The following CCDC85A variants were observed in gnomAD, a reference collection of about 807,000 sequenced individuals.
CCDC85A encodes the protein coiled-coil domain containing 85A.
A neutral mutation model predicts 50.2 loss-of-function variants in CCDC85A; 38 were observed. The observed-to-expected ratio is 0.76, with a 90% CI of 0.58 to 0.99. CCDC85A has a LOEUF of 0.99. Ranked by LOEUF, CCDC85A falls within the 50% of genes least tolerant of loss-of-function variation. The pLI, the probability that CCDC85A is intolerant of heterozygous loss-of-function variation, is 0.00. For missense variants in CCDC85A, 820 were observed against 742.0 expected, an observed-to-expected ratio of 1.11 and a Z score of -1.22; for synonymous variants, 366 against 301.4, an observed-to-expected ratio of 1.21 and a Z score of -2.22.
chr2:56,367,699 A>G (rs1175667254), intron 3 of CCDC85A, among the ~76,000 whole-genome samples: 1 of 152,138 alleles, frequency 6.6e-6, no homozygotes, highest in East Asian at 1.9e-4. Context: ...TGGGGGCCAA[A>G]TCACCCCCGC....
At chr2:56,201,736 A>T (rs1676755988) in intron 2 of CCDC85A, among the ~76,000 whole-genome samples, 1 of 152,200 alleles carries the variant, frequency 6.6e-6, no homozygotes, top group Non-Finnish European at 1.5e-5. Flanking sequence ...ATAGTTTTTA[A>T]TTCAGTTAAA....
At chr2:56,348,962 T>C (rs1244605475) in intron 3 of CCDC85A, among the ~76,000 whole-genome samples, 1 of 152,166 alleles carries the variant, frequency 6.6e-6, no homozygotes, top group Non-Finnish European at 1.5e-5. Context: ...AAAATGAAAA[T>C]CTGTAACTGT....
At chr2:56,318,267 T>C (rs1673008987) in intron 2 of CCDC85A, among the ~76,000 whole-genome samples, 1 of 152,024 alleles carries the variant, frequency 6.6e-6, no homozygotes, top group East Asian at 1.9e-4. Flanking sequence ...TTTTCTCTGC[T>C]TGTTTCATAG....
intron 2 of CCDC85A, among the ~76,000 whole-genome samples, chr2:56,221,368 AT>A (rs563321717): frequency 0.051 from 7,562 of 147,470 alleles, 221 homozygotes; most frequent in African/African-American, 0.057. Flanking sequence ...GATACTTTCT[AT>A]TTTTTTTTTT....
intron 2 of CCDC85A, among the ~76,000 whole-genome samples, chr2:56,252,261 T>G (rs1440556888): frequency 2.6e-5 from 4 of 152,160 alleles, no homozygotes; most frequent in Non-Finnish European, 5.9e-5. Flanking sequence ...TTGGCCAGGC[T>G]GGTATCGAAT....
intron 2 of CCDC85A, among the ~76,000 whole-genome samples, chr2:56,312,915 A>G (rs573817355): frequency 6.6e-6 from 1 of 152,286 alleles, no homozygotes; most frequent in South Asian, 2.1e-4. Context: ...GTTAGTCTGT[A>G]ATCCTGACAT....
chr2:56,242,186 T>C (rs1669290667), intron 2 of CCDC85A, among the ~76,000 whole-genome samples: 2 of 152,208 alleles, frequency 1.3e-5, no homozygotes, highest in South Asian at 4.1e-4. Flanking sequence ...ATTACATTTT[T>C]TCCCTATAGA....
At chr2:56,268,573 C>G (rs1269557704) in intron 2 of CCDC85A, among the ~76,000 whole-genome samples, 1 of 111,826 alleles carries the variant, frequency 8.9e-6, no homozygotes, top group Non-Finnish European at 1.7e-5. Flanking sequence ...CCAGCCTGAG[C>G]AACAGAGCAA....
Position 56,193,015 on chromosome 2 carries a change from A to G in CCDC85A, c.815A>G (p.Lys272Arg). 2 of 1,613,570 alleles carry G rather than the reference A, an allele frequency of 1.2e-6. No homozygotes were observed. The highest frequency in any genetic ancestry group is 4.5e-5 in the East Asian group (2 of 44,832). The change falls in exon 2 of 6, where the codon AAA becomes AGA. Residue 272 changes from lysine to arginine, a missense_variant. Coordinates refer to ENST00000407595, the MANE Select transcript of CCDC85A (RefSeq NM_001080433.2). ...PRACGTPDRP[K>R]ALKGPSPEHH... ...GCCTGTGGAACCCCAGATCGCCCCA[A>G]AGCACTCAAAGGACCTAGCCCGGAG... is the stretch of plus-strand genomic sequence containing the variant.
intron 3 of CCDC85A, among the ~76,000 whole-genome samples, chr2:56,364,041 C>T (rs1675667325): frequency 6.6e-6 from 1 of 152,208 alleles, no homozygotes; most frequent in South Asian, 2.1e-4. Flanking sequence ...CAGTGTTTCT[C>T]ACTGGGAGTT....
chr2:56,325,203 G>A lies in CCDC85A; in HGVS notation c.1241-17676G>A, dbSNP rs1160610039. Reference sequence around the variant, plus strand: ...GAATAAAATTTAAGATTCATTTATGGCCAGCATGAATTTAAAATTTCCTTT... The same window carrying A: ...GAATAAAATTTAAGATTCATTTATGACCAGCATGAATTTAAAATTTCCTTT... On this transcript the variant is annotated intron_variant, in intron 2 of 5. Transcript: ENST00000407595. 2.0e-5 allele frequency among the ~76,000 whole-genome samples: 3 copies of A among 151,908 alleles called. 1 individual carries two copies. Among genetic ancestry groups the A allele is most frequent in the Non-Finnish European group, 4.4e-5 (3 of 67,962 alleles).
chr2:56,298,711 A>T (rs941034440), intron 2 of CCDC85A, among the ~76,000 whole-genome samples: 13 of 152,164 alleles, frequency 8.5e-5, no homozygotes, highest in Admixed American at 7.2e-4. Flanking sequence ...TAATCTAGAG[A>T]TCGGAGAATA....
intron 2 of CCDC85A, among the ~76,000 whole-genome samples, chr2:56,339,754 T>C (rs73940671): frequency 0.013 from 2,038 of 152,254 alleles, 47 homozygotes; most frequent in African/African-American, 0.045. Flanking sequence ...GTTTTTTTTT[T>C]CCAGAGGAAA....
At chr2:56,329,953 T>TTTTG (rs1673693614) in intron 2 of CCDC85A, among the ~76,000 whole-genome samples, 1 of 84,518 alleles carries the variant, frequency 1.2e-5, no homozygotes, top group African/African-American at 6.4e-5. Context: ...CTGTTTTTTT[T>TTTTG]TTTTTTTTTT....
intron 2 of CCDC85A, among the ~76,000 whole-genome samples, chr2:56,205,495 C>T (rs539089449): frequency 5.9e-5 from 9 of 152,052 alleles, no homozygotes; most frequent in Non-Finnish European, 1.3e-4. Flanking sequence ...GGAAGCCATG[C>T]ATGCTAAATA....
intron 2 of CCDC85A, among the ~76,000 whole-genome samples, chr2:56,275,796 T>G (rs1314675298): frequency 6.6e-6 from 1 of 152,240 alleles, no homozygotes; most frequent in Non-Finnish European, 1.5e-5. Flanking sequence ...AAGTTAGAGC[T>G]TGTTCTGTTA....
chr2:56,201,337 G>A (rs369776546), intron 2 of CCDC85A, among the ~76,000 whole-genome samples: 121 of 152,220 alleles, frequency 7.9e-4, no homozygotes, highest in African/African-American at 2.7e-3. Context: ...GGGATAGAAC[G>A]TTTAGATTAA....
At chr2:56,268,059 G>A (rs979120886) in intron 2 of CCDC85A, among the ~76,000 whole-genome samples, 2 of 152,278 alleles carry the variant, frequency 1.3e-5, no homozygotes, top group Non-Finnish European at 2.9e-5. Context: ...GAAAATCTTA[G>A]ATCAGATTAT....
chr2:56,275,006 A>C (rs951241422), intron 2 of CCDC85A, among the ~76,000 whole-genome samples: 3 of 152,142 alleles, frequency 2.0e-5, no homozygotes, highest in Non-Finnish European at 2.9e-5. Context: ...TAATTTCATC[A>C]TGAGGGCATC....
Sources: allele counts gnomAD v4.1 joint callset (sites outside exome capture counted in the v4.1 genomes callset), GRCh38; gene constraint gnomAD v4.1.1; transcripts MANE v1.5; gene names NCBI Gene and HGNC (gene_info 2026-07-23, HGNC 2026-07-21).